The following CREB3L2 variants were observed in gnomAD, a reference collection of about 807,000 sequenced individuals.
The protein encoded by CREB3L2 is cyclic AMP-responsive element-binding protein 3-like protein 2.
CREB3L2 carries 23 observed loss-of-function variants against 57.2 expected under a neutral mutation model. That is an observed-to-expected ratio of 0.40 (90% confidence interval 0.29 to 0.57). CREB3L2 has a LOEUF of 0.57. Among genes scored for constraint, CREB3L2 ranks in the 20% least tolerant of loss-of-function variants. CREB3L2 has a pLI of 0.42. For synonymous variants in CREB3L2, 268 were observed against 265.1 expected (o/e 1.01, Z -0.11); for missense variants, 628 against 634.7 (o/e 0.99, Z 0.11).
intron 1 of CREB3L2, among the ~76,000 whole-genome samples, chr7:137,995,890 T>G (rs1189236842): frequency 6.6e-6 from 1 of 152,228 alleles, no homozygotes; most frequent in African/African-American, 2.4e-5. Context: ...CTTTCAGGAC[T>G]GTGCCTATGT....
At chr7:137,940,661 G>C (rs149352117) in intron 1 of CREB3L2, among the ~76,000 whole-genome samples, 3 of 152,212 alleles carry the variant, frequency 2.0e-5, no homozygotes, top group African/African-American at 4.8e-5. Flanking sequence ...CGTGCATGTT[G>C]CAATGGAACA....
intron 1 of CREB3L2, among the ~76,000 whole-genome samples, chr7:137,961,868 C>A (rs1339768360): frequency 6.6e-6 from 1 of 152,176 alleles, no homozygotes; most frequent in Non-Finnish European, 1.5e-5. Flanking sequence ...GACCCATGCC[C>A]TCTTCATGCC....
intron 1 of CREB3L2, chr7:137,955,482 G>A (rs1278554869): frequency 3.7e-5 from 12 of 328,062 alleles, no homozygotes; most frequent in Non-Finnish European, 5.6e-5. Flanking sequence ...AGAAATATGT[G>A]TGAGGGCACT....
At chr7:137,899,783 G>C (rs1799714666) in intron 8 of CREB3L2, among the ~76,000 whole-genome samples, 1 of 152,218 alleles carries the variant, frequency 6.6e-6, no homozygotes, top group Non-Finnish European at 1.5e-5. Context: ...AAATTTCAGG[G>C]GGATCCCACT....
intron 1 of CREB3L2, among the ~76,000 whole-genome samples, chr7:137,946,658 G>A (rs1484142982): frequency 2.0e-5 from 3 of 149,438 alleles, no homozygotes; most frequent in African/African-American, 4.9e-5. Flanking sequence ...TAGGTGTAGT[G>A]CTATATATAT....
chr7:137,993,371 G>A (rs938780016), intron 1 of CREB3L2, among the ~76,000 whole-genome samples: 2 of 152,116 alleles, frequency 1.3e-5, no homozygotes, highest in Admixed American at 1.3e-4. Flanking sequence ...ACTGGAAACA[G>A]GGACTGTTTC....
intron 7 of CREB3L2, among the ~76,000 whole-genome samples, chr7:137,903,742 T>A (rs142919270): frequency 1.3e-5 from 2 of 152,340 alleles, no homozygotes; most frequent in Non-Finnish European, 2.9e-5. Context: ...GTGGTATGAT[T>A]CAAACACCTA....
chr7:137,936,645 C>T (rs1315324240), intron 1 of CREB3L2, among the ~76,000 whole-genome samples: 1 of 152,158 alleles, frequency 6.6e-6, no homozygotes, highest in African/African-American at 2.4e-5. Context: ...GAGAAATGCT[C>T]ACAGCCACAA....
chr7:137,882,323 GGA>G, intron 11 of CREB3L2, 87 bp downstream of exon 11: 1 of 955,588 alleles, frequency 1.0e-6, no homozygotes, highest in Non-Finnish European at 1.6e-6. Flanking sequence ...CCAGGCCTAT[GGA>G]GAGTCTCAAC....
chr7:137,911,903 C>T (rs985499206), intron 4 of CREB3L2, among the ~76,000 whole-genome samples: 1 of 152,188 alleles, frequency 6.6e-6, no homozygotes, highest in Non-Finnish European at 1.5e-5. Flanking sequence ...AGTGAAGGCA[C>T]AGAAGTGAGA....
intron 1 of CREB3L2, among the ~76,000 whole-genome samples, chr7:137,971,678 CA>C (rs35280186): frequency 0.019 from 2,437 of 129,074 alleles, 65 homozygotes; most frequent in African/African-American, 0.059. Context: ...CTGGATGGTA[CA>C]AAAAAAAAAA....
intron 8 of CREB3L2, among the ~76,000 whole-genome samples, chr7:137,899,545 C>T (rs1353924086): frequency 2.0e-5 from 1 of 51,206 alleles, no homozygotes; most frequent in Non-Finnish European, 3.6e-5. Flanking sequence ...ACAGAGCCGC[C>T]TCAGGCAATC....
chr7:137,981,515 T>C (rs953868555), intron 1 of CREB3L2, among the ~76,000 whole-genome samples: 10 of 152,156 alleles, frequency 6.6e-5, no homozygotes, highest in African/African-American at 2.2e-4. Context: ...AAATAATAAG[T>C]ATGGGGCTAG....
rs563969850 is a variant in CREB3L2, at chr7:137,894,283, G to A, written c.1043+7071C>T. ...CCCACTGAGAGCACAGCATCCACCC[G>A]GATCTGTCCTGGCACCTGGGGGCAA... On this transcript the variant is annotated intron_variant, in intron 8 of 11. Transcript: ENST00000330387. 3.0e-4 allele frequency among the ~76,000 whole-genome samples: 45 copies of A among 152,236 alleles called. 1 individual carries two copies. Among genetic ancestry groups the A allele is most frequent in the African/African-American group, 9.9e-4 (41 of 41,538 alleles).
chr7:137,997,675 C>A (rs1219865682), intron 1 of CREB3L2, among the ~76,000 whole-genome samples: 1 of 152,102 alleles, frequency 6.6e-6, no homozygotes, highest in East Asian at 1.9e-4. Context: ...CTGCAGTGAG[C>A]CATGATTGAG....
chr7:137,972,437 C>CAAACAAAACA (rs58799428), intron 1 of CREB3L2, among the ~76,000 whole-genome samples: 2 of 151,598 alleles, frequency 1.3e-5, no homozygotes, highest in South Asian at 2.1e-4. Context: ...GACTCCATCT[C>CAAACAAAACA]AAACAAAACA....
chr7:137,914,235 G>A (rs903342989), intron 3 of CREB3L2, among the ~76,000 whole-genome samples: 3 of 151,816 alleles, frequency 2.0e-5, no homozygotes, highest in Non-Finnish European at 4.4e-5. Context: ...AATGACTGAT[G>A]GTATCTAATC....
chr7:137,921,652 T>C (rs1463098349), intron 2 of CREB3L2, among the ~76,000 whole-genome samples: 1 of 152,194 alleles, frequency 6.6e-6, no homozygotes, highest in Non-Finnish European at 1.5e-5. Context: ...GTTGGCATTA[T>C]CTTGATATAT....
intron 1 of CREB3L2, among the ~76,000 whole-genome samples, chr7:137,991,236 T>C (rs1426753905): frequency 2.0e-5 from 3 of 151,890 alleles, no homozygotes; most frequent in African/African-American, 4.8e-5. Context: ...TGATCTCGGC[T>C]CAATGCAAGC....
Sources: gnomAD v4.1 joint callset for allele counts (sites outside exome capture counted in the v4.1 genomes callset) on GRCh38, gnomAD v4.1.1 for gene constraint, MANE v1.5 for transcripts, NCBI Gene and HGNC (gene_info 2026-07-23, HGNC 2026-07-21) for gene names.